EFCAB9: variants seen among roughly 807,000 people sequenced by gnomAD.
EFCAB9 encodes the protein EF-hand calcium binding domain 9.
Under a neutral mutation model 15.6 loss-of-function variants are expected in EFCAB9, and 16 were observed. The observed-to-expected ratio is 1.03, with a 90% CI of 0.69 to 1.56. The LOEUF (loss-of-function observed/expected upper bound fraction) is 1.56, where lower values mean the gene tolerates loss of function less well. EFCAB9 is among the 40% of genes most tolerant of loss of function. EFCAB9 has a pLI of 0.00. For synonymous variants in EFCAB9, 76 were observed against 85.4 expected (o/e 0.89, Z 0.61); for missense variants, 208 against 235.4 (o/e 0.88, Z 0.76).
At chr5:172,198,606 G>C (rs564977928) in intron 1 of EFCAB9, among the ~76,000 whole-genome samples, 1 of 152,164 alleles carries the variant, frequency 6.6e-6, no homozygotes, top group Non-Finnish European at 1.5e-5. Context: ...GTTTATAGAC[G>C]GGGAATGACT....
chr5:172,199,621 G>C, intron 2 of EFCAB9, 90 bp downstream of exon 2: 4 of 1,472,312 alleles, frequency 2.7e-6, no homozygotes, highest in East Asian at 2.5e-5. Flanking sequence ...TCACTAAAAA[G>C]AGGAAGAAAA....
chr5:172,200,444 A>T, intron 2 of EFCAB9, 122 bp from the exon 3 acceptor site: 3 of 1,032,686 alleles, frequency 2.9e-6, no homozygotes, highest in Non-Finnish European at 4.0e-6. Context: ...TGAGCTTCTG[A>T]TTTTCTCTTT....
Position 172,203,252 on chromosome 5 carries a change from CT to C in EFCAB9, c.502del (p.Tyr168ThrfsTer51). The C allele has an allele frequency of 6.5e-7, 1 of 1,536,280 alleles. No homozygotes were observed. The highest frequency in any genetic ancestry group is 8.7e-7 in the Non-Finnish European group (1 of 1,146,518). On this transcript the variant is annotated frameshift_variant, in exon 4 of 4. Coordinates refer to ENST00000398186, the MANE Select transcript of EFCAB9 (RefSeq NM_001171183.2). LOFTEE classifies it low-confidence loss of function (END_TRUNC). ...AGGAATTTAAGCTGTATACAATCAT[CT>C]ACACTGACAAATTACAGAAGAGGCA... ...YQEFKLYTII[Y>X]TDKLQKRQKT...
At chr5:172,202,740 GCC>G (rs1342461523) in intron 3 of EFCAB9, among the ~76,000 whole-genome samples, 5 of 150,844 alleles carry the variant, frequency 3.3e-5, no homozygotes. Context: ...AGTGTCTCAC[GCC>G]TGTAATCCCA....
intron 2 of EFCAB9, 46 bp from the exon 3 acceptor site, chr5:172,200,520 G>C (rs1434526854): frequency 6.7e-7 from 1 of 1,493,922 alleles, no homozygotes; most frequent in South Asian, 1.3e-5. Context: ...TTAGAAAGCA[G>C]CATCGACAAC....
At chr5:172,195,564 G>C (rs1012168435) in intron 1 of EFCAB9, among the ~76,000 whole-genome samples, 8 of 152,324 alleles carry the variant, frequency 5.3e-5, no homozygotes, top group Middle Eastern at 3.4e-3. Flanking sequence ...CTCTCTGCCT[G>C]CAAAGCCCAT....
chr5:172,200,862 T>C (rs1360734566), intron 3 of EFCAB9, 120 bp downstream of exon 3: 2 of 975,264 alleles, frequency 2.1e-6, no homozygotes, highest in South Asian at 1.8e-5. Flanking sequence ...CCTACTCAAA[T>C]AAGCACATTG....
At chr5:172,203,182 T>C in intron 3 of EFCAB9, 32 bp from the exon 4 acceptor site, 1 of 1,427,740 alleles carries the variant, frequency 7.0e-7, no homozygotes, top group South Asian at 1.3e-5. Flanking sequence ...TTTCCTGAAA[T>C]AATTTTTCTT....
chr5:172,195,169 TAAATAAATAAATAA>T (rs1042230723), intron 1 of EFCAB9, among the ~76,000 whole-genome samples: 3 of 145,370 alleles, frequency 2.1e-5, no homozygotes, highest in African/African-American at 7.7e-5. Flanking sequence ...AATAAATAAA[TAAATAAATAAATAA>T]AAATAAATAA....
chr5:172,203,359 G>C lies in EFCAB9; in HGVS notation c.*14G>C. On this transcript the variant is annotated 3_prime_UTR_variant, in exon 4 of 4. Coordinates refer to ENST00000398186, the MANE Select transcript of EFCAB9 (RefSeq NM_001171183.2). ...CACATCAAGTAGATACAAGCTGAAA[G>C]AGTCTTGGAAAAAAATGGGATCTGA... The C allele has an allele frequency of 2.0e-6, 3 of 1,522,858 alleles. No homozygotes were observed. The East Asian group carries it at 7.4e-5, about 37-fold the overall frequency. The allele number at this position is 1,522,858 out of a possible 1,614,324, so 94.3% of individuals were successfully genotyped here.
intron 3 of EFCAB9, among the ~76,000 whole-genome samples, chr5:172,201,289 C>T (rs1053823474): frequency 1.3e-5 from 2 of 152,164 alleles, no homozygotes; most frequent in Admixed American, 1.3e-4. Context: ...GCAGGAGAAT[C>T]GCTTGAACCT....
intron 1 of EFCAB9, 96 bp downstream of exon 1, chr5:172,194,404 A>C: frequency 2.5e-6 from 3 of 1,216,032 alleles, no homozygotes; most frequent in South Asian, 3.4e-5. Flanking sequence ...TTGTTAGTAC[A>C]TTTTTTTTTT....
At chr5:172,198,950 C>T (rs1018400387) in intron 1 of EFCAB9, among the ~76,000 whole-genome samples, 6 of 152,296 alleles carry the variant, frequency 3.9e-5, no homozygotes, top group African/African-American at 1.4e-4. Context: ...TTTTAATTAT[C>T]TCAAGGGAAA....
In EFCAB9 at chr5:172,194,253, G is replaced by A. The variant is rs966760227; in HGVS notation, c.81G>A (p.Lys27=). 1 of 1,537,774 alleles carries A rather than the reference G, an allele frequency of 6.5e-7. No individual in the cohort carries two copies. The highest frequency in any genetic ancestry group is 8.7e-7 in the Non-Finnish European group (1 of 1,147,068). ...GCTTATTATCCGTGAGAAACGTGAAGGCTTTGGCAGAATATTTTCATATTC... is the reference window on the plus strand; with the variant it reads ...GCTTATTATCCGTGAGAAACGTGAAAGCTTTGGCAGAATATTTTCATATTC... ...IYCLLSVRNV[K]ALAEYFHILD... Residue 27 remains lysine, a synonymous_variant, in exon 1 of 4, where the codon AAG becomes AAA. Transcript: ENST00000398186.
chr5:172,202,333 A>AAAAAC, intron 3 of EFCAB9, among the ~76,000 whole-genome samples: 1 of 25,230 alleles, frequency 4.0e-5, no homozygotes, highest in Non-Finnish European at 8.5e-5. Flanking sequence ...ACTTCATCTC[A>AAAAAC]AAAAAAAAAA....
intron 1 of EFCAB9, 43 bp from the exon 2 acceptor site, chr5:172,199,340 C>G: frequency 2.0e-6 from 3 of 1,529,062 alleles, no homozygotes; most frequent in Non-Finnish European, 2.6e-6. Context: ...CATTTTGGAA[C>G]TATATCCAAA....
intron 2 of EFCAB9, among the ~76,000 whole-genome samples, chr5:172,200,277 T>A (rs991069170): frequency 2.6e-5 from 4 of 152,116 alleles, no homozygotes; most frequent in Non-Finnish European, 5.9e-5. Flanking sequence ...CGCCATGATG[T>A]TTCACAAGAC....
intron 1 of EFCAB9, 86 bp downstream of exon 1, chr5:172,194,394 T>C: frequency 6.8e-7 from 1 of 1,468,042 alleles, no homozygotes; most frequent in Non-Finnish European, 9.0e-7. Flanking sequence ...AGAAACTATT[T>C]TGTTAGTACA....
chr5:172,199,515 T>C lies in EFCAB9; in HGVS notation c.269T>C (p.Met90Thr). Residue 90 changes from methionine (M) to threonine (T), a missense_variant, in exon 2 of 4, where the codon ATG (methionine) becomes ACG (threonine). Physicochemically the swap from Met to Thr is moderately conservative, Grantham distance 81 (BLOSUM62 -1). Coordinates refer to ENST00000398186, the MANE Select transcript of EFCAB9 (RefSeq NM_001171183.2). ...GAGAAGTTCTACATGCTGGTGTGCA[T>C]GCTGCTGGCCCACCAGGCAAGTAGC... Reference protein sequence around the residue: ...DFEKFYMLVCMLLAHQNHLEG... With the variant: ...DFEKFYMLVCTLLAHQNHLEG... 6.5e-7 allele frequency: 1 copy of C among 1,537,272 alleles called. No homozygotes were observed. The highest frequency in any genetic ancestry group is 8.7e-7 in the Non-Finnish European group (1 of 1,146,914).
Sources: gnomAD v4.1 joint callset for allele counts (sites outside exome capture counted in the v4.1 genomes callset) on GRCh38, gnomAD v4.1.1 for gene constraint, MANE v1.5 for transcripts, NCBI Gene and HGNC (gene_info 2026-07-23, HGNC 2026-07-21) for gene names.